PLCE1: variants seen among roughly 807,000 people sequenced by gnomAD.
PLCE1 encodes phospholipase C epsilon 1, also known as 1-phosphatidylinositol 4,5-bisphosphate phosphodiesterase epsilon-1.
A neutral mutation model predicts 242.8 loss-of-function variants in PLCE1; 119 were observed. The ratio of observed to expected loss-of-function variants is 0.49; its 90% CI spans 0.42 to 0.57. The LOEUF is 0.57. Among genes scored for constraint, PLCE1 ranks in the 20% least tolerant of loss-of-function variants. The pLI is 0.00. For missense variants in PLCE1, 2,441 were observed against 2,788.8 expected, an observed-to-expected ratio of 0.88 and a Z score of 2.81; for synonymous variants, 945 against 1,017.4, an observed-to-expected ratio of 0.93 and a Z score of 1.35.
Position 94,259,001 on chromosome 10 carries a change from A to G in PLCE1, c.3678-13A>G. The stretch of plus-strand genomic sequence containing the variant: ...AGATACTCAATGAGAGGTGTTTTCC[A>G]TTCCTCATTCAGTGTCAGGAGCCGC... On this transcript the variant is annotated splice_polypyrimidine_tract_variant and intron_variant, in intron 12 of 32. Coordinates refer to ENST00000371380, the MANE Select transcript of PLCE1 (RefSeq NM_016341.4). 1.2e-6 allele frequency: 2 copies of G among 1,613,998 alleles called. No individual in the cohort carries two copies. The highest frequency in any genetic ancestry group is 2.2e-5 in the South Asian group (2 of 91,076).
intron 2 of PLCE1, among the ~76,000 whole-genome samples, chr10:94,058,375 G>A (rs2054829538): frequency 6.6e-6 from 1 of 152,148 alleles, no homozygotes; most frequent in South Asian, 2.1e-4. Flanking sequence ...CCTTTCACAA[G>A]TGTGTTCTGT....
At chr10:94,157,742 C>A (rs1439721433) in intron 3 of PLCE1, among the ~76,000 whole-genome samples, 1 of 152,230 alleles carries the variant, frequency 6.6e-6, no homozygotes, top group Admixed American at 6.5e-5. Context: ...CCTTCCAACT[C>A]AGGCATTCAG....
intron 22 of PLCE1, chr10:94,286,931 T>C (rs961872068): frequency 6.6e-6 from 1 of 152,196 alleles, no homozygotes; most frequent in African/African-American, 2.4e-5. Context: ...CTGCAGCTCT[T>C]ATTCTTTATA....
At chr10:94,319,693 G>T (rs1341694702) in intron 29 of PLCE1, among the ~76,000 whole-genome samples, 2 of 152,150 alleles carry the variant, frequency 1.3e-5, no homozygotes, top group East Asian at 3.9e-4. Context: ...TTGACTCAAA[G>T]AAATGATCAT....
At chr10:94,270,448 GAT>G (rs1259381455) in intron 17 of PLCE1, 36 bp from the exon 18 acceptor site, 1 of 1,328,358 alleles carries the variant, frequency 7.5e-7, no homozygotes, top group South Asian at 1.2e-5. Flanking sequence ...CACCTTGACA[GAT>G]ATCTGGACTC....
At chr10:94,132,705 C>G (rs1463217527) in intron 3 of PLCE1, among the ~76,000 whole-genome samples, 2 of 151,496 alleles carry the variant, frequency 1.3e-5, no homozygotes, top group Non-Finnish European at 2.9e-5. Flanking sequence ...AATCCCAGCA[C>G]TTTGGGAGGC....
At chr10:94,098,828 T>C (rs1288877512) in intron 2 of PLCE1, among the ~76,000 whole-genome samples, 1 of 152,216 alleles carries the variant, frequency 6.6e-6, no homozygotes, top group Non-Finnish European at 1.5e-5. Context: ...TGACCTATCT[T>C]GTATTCCTTC....
At chr10:94,076,954 C>T (rs562620010) in intron 2 of PLCE1, among the ~76,000 whole-genome samples, 3 of 152,298 alleles carry the variant, frequency 2.0e-5, no homozygotes, top group African/African-American at 7.2e-5. Context: ...TGAAACAGCA[C>T]ATAAGTGGAT....
chr10:94,316,884 A>G (rs564998477), intron 29 of PLCE1, 128 bp downstream of exon 29: 1 of 722,362 alleles, frequency 1.4e-6, no homozygotes, highest in South Asian at 1.5e-5. Context: ...TCTTAAGTAA[A>G]TGTGGATGAA....
chr10:94,203,889 G>A (rs2049059306), intron 4 of PLCE1, among the ~76,000 whole-genome samples: 1 of 137,076 alleles, frequency 7.3e-6, no homozygotes, highest in Non-Finnish European at 1.6e-5. Context: ...ACAGCATCAA[G>A]TAATGGAAAG....
rs199793703 is a variant in PLCE1, at chr10:94,270,508, G to T, written c.4412G>T (p.Arg1471Leu). The part of the protein sequence containing the change: ...PFKEVVEAID[R>L]SAFINSDLPI... Reference sequence around the variant, plus strand: ...TAGGAAGTGGTTGAAGCCATTGATCGCAGTGCCTTCATCAACTCTGACCTG... The same window carrying T: ...TAGGAAGTGGTTGAAGCCATTGATCTCAGTGCCTTCATCAACTCTGACCTG... The change falls in exon 18 of 33, where the codon CGC becomes CTC. Residue 1471 changes from arginine to leucine, a missense_variant. This residue lies in a region of PLCE1 where 1,004 missense variants were observed against 1,322.7 expected (regional missense o/e 0.76). Coordinates refer to ENST00000371380, the MANE Select transcript of PLCE1 (RefSeq NM_016341.4). 1.2e-6 allele frequency: 2 copies of T among 1,612,242 alleles called. No homozygotes were observed. The highest frequency in any genetic ancestry group is 1.7e-6 in the Non-Finnish European group (2 of 1,178,424).
chr10:94,070,026 T>TA (rs1366614598), intron 2 of PLCE1, among the ~76,000 whole-genome samples: 1 of 152,120 alleles, frequency 6.6e-6, no homozygotes, highest in East Asian at 1.9e-4. Flanking sequence ...TTCCTTCAAT[T>TA]AAAAACTGTT....
chr10:94,210,445 G>T (rs931119101), intron 4 of PLCE1, among the ~76,000 whole-genome samples: 1 of 152,000 alleles, frequency 6.6e-6, no homozygotes, highest in Admixed American at 6.6e-5. Flanking sequence ...ACACACCCCC[G>T]AAATTTTTTA....
chr10:94,027,237 C>T (rs2061465980), intron 1 of PLCE1, among the ~76,000 whole-genome samples: 1 of 152,202 alleles, frequency 6.6e-6, no homozygotes, highest in Non-Finnish European at 1.5e-5. Context: ...TTTAGATGTT[C>T]TTCCTCTGTG....
At chr10:94,118,841 T>C (rs969689395) in intron 2 of PLCE1, among the ~76,000 whole-genome samples, 5 of 152,204 alleles carry the variant, frequency 3.3e-5, no homozygotes, top group Admixed American at 1.3e-4. Flanking sequence ...TATCTGGGGA[T>C]AGATTGAAAG....
At chr10:94,188,600 T>C (rs1178312474) in intron 4 of PLCE1, among the ~76,000 whole-genome samples, 1 of 151,988 alleles carries the variant, frequency 6.6e-6, no homozygotes, top group African/African-American at 2.4e-5. Context: ...TTTGTTTGTT[T>C]TGTTTTGTTT....
chr10:94,056,037 C>T (rs1280256427), intron 2 of PLCE1, among the ~76,000 whole-genome samples: 8 of 152,224 alleles, frequency 5.3e-5, no homozygotes, highest in Non-Finnish European at 1.2e-4. Context: ...GAATAGTCTA[C>T]ATGCCAGTAG....
At chr10:94,119,174 T>G (rs1233068730) in intron 2 of PLCE1, among the ~76,000 whole-genome samples, 1 of 152,174 alleles carries the variant, frequency 6.6e-6, no homozygotes, top group Non-Finnish European at 1.5e-5. Flanking sequence ...TTGTCCTTTC[T>G]CATTGGTTTT....
At chr10:94,246,971 G>C (rs1406156400) in intron 8 of PLCE1, among the ~76,000 whole-genome samples, 1 of 152,012 alleles carries the variant, frequency 6.6e-6, no homozygotes, top group Non-Finnish European at 1.5e-5. Flanking sequence ...AATTTGCTGG[G>C]CATGGTGGCA....
Sources: allele counts gnomAD v4.1 joint callset (sites outside exome capture counted in the v4.1 genomes callset), GRCh38; gene constraint gnomAD v4.1.1; regional missense constraint gnomAD v4.1.1; transcripts MANE v1.5; gene names NCBI Gene and HGNC (gene_info 2026-07-23, HGNC 2026-07-21).